Variants in GLRA2 observed in about 807,000 individuals in gnomAD.
The protein encoded by GLRA2 is glycine receptor subunit alpha-2.
In GLRA2, 11 loss-of-function variants were observed where a neutral mutation model predicts 31.6. That is an observed-to-expected ratio of 0.35 (90% CI 0.22 to 0.58). The LOEUF is 0.58. Among genes scored for constraint, GLRA2 ranks in the 20% least tolerant of loss-of-function variants. The pLI, the probability that GLRA2 is intolerant of heterozygous loss-of-function variation, is 0.84. For synonymous variants in GLRA2, 132 were observed against 134.0 expected (o/e 0.99, Z 0.10); for missense variants, 212 against 351.8 (o/e 0.60, Z 3.18).
At chrX:14,528,274 C>T (rs954106800), upstream of GLRA2, among the ~76,000 whole-genome samples, 3 of 112,247 alleles carry the variant, frequency 2.7e-5, no homozygotes, top group African/African-American at 9.7e-5. Context: ...AAAGAACTTG[C>T]CATCTTTTTT....
At chrX:14,710,289 G>C (rs1203884997) in intron 8 of GLRA2, among the ~76,000 whole-genome samples, 1 of 112,039 alleles carries the variant, frequency 8.9e-6, no homozygotes, top group Non-Finnish European at 1.9e-5. Flanking sequence ...GCTACTTCCA[G>C]CAGAAATTGA....
At chrX:14,690,280 GAAT>G (rs1297247598) in intron 7 of GLRA2, among the ~76,000 whole-genome samples, 1 of 111,801 alleles carries the variant, frequency 8.9e-6, no homozygotes, top group Non-Finnish European at 1.9e-5. Context: ...CTAATTAAGA[GAAT>G]AATTATTTTT....
intron 8 of GLRA2, among the ~76,000 whole-genome samples, chrX:14,700,704 C>G (rs1367814183): frequency 9.1e-6 from 1 of 110,456 alleles, no homozygotes; most frequent in Admixed American, 9.7e-5. Flanking sequence ...GAAGTGAGGA[C>G]ATTGAATGCA....
At chrX:14,600,845 C>T (rs1412127316) in intron 4 of GLRA2, among the ~76,000 whole-genome samples, 1 of 110,653 alleles carries the variant, frequency 9.0e-6, no homozygotes, top group African/African-American at 3.3e-5. Context: ...TCATAATAGA[C>T]AAGTTATGAA....
At chrX:14,522,895 G>A in the GLRA2 span, among the ~76,000 whole-genome samples, 8 of 111,704 alleles carry the variant, frequency 7.2e-5, no homozygotes, top group Non-Finnish European at 1.3e-4. Context: ...TACTTTTTAA[G>A]GACCCTCGGA....
intron 3 of GLRA2, 104 bp from the exon 4 acceptor site, chrX:14,581,079 G>A (rs767582669): frequency 1.1e-4 from 61 of 541,073 alleles, no homozygotes; most frequent in Non-Finnish European, 6.8e-5. Context: ...TGGTTTACTC[G>A]GACACCAAAG....
chrX:14,485,707 C>A, the GLRA2 span, among the ~76,000 whole-genome samples: 1 of 111,723 alleles, frequency 9.0e-6, no homozygotes, highest in Non-Finnish European at 1.9e-5. Context: ...ACTGCCACCA[C>A]TCTGGTCCCA....
chrX:14,656,394 A>C (rs2090941123), intron 7 of GLRA2, among the ~76,000 whole-genome samples: 1 of 112,381 alleles, frequency 8.9e-6, no homozygotes, highest in Non-Finnish European at 1.9e-5. Context: ...AGATCCTTGA[A>C]GGCCACTTCC....
chrX:14,553,575 A>G (rs1420110805), intron 2 of GLRA2, among the ~76,000 whole-genome samples: 3 of 111,588 alleles, frequency 2.7e-5, no homozygotes, highest in African/African-American at 6.5e-5. Flanking sequence ...CTTACAAGGC[A>G]TCAGTGTCTG....
intron 2 of GLRA2, among the ~76,000 whole-genome samples, chrX:14,539,120 G>T (rs1160818155): frequency 9.0e-6 from 1 of 110,938 alleles, no homozygotes. Context: ...CAGGTCTCTT[G>T]GTGCTCAATG....
At chrX:14,618,966 TTTAAAGGGCTTG>T (rs1210851718) in intron 7 of GLRA2, among the ~76,000 whole-genome samples, 1 of 111,822 alleles carries the variant, frequency 8.9e-6, no homozygotes, top group Non-Finnish European at 1.9e-5. Flanking sequence ...TATACCCAGA[TTTAAAGGGCTTG>T]TTAATTAGAT....
At chrX:14,514,319 C>T in the GLRA2 span, among the ~76,000 whole-genome samples, 2 of 109,374 alleles carry the variant, frequency 1.8e-5, no homozygotes, top group East Asian at 2.9e-4. Flanking sequence ...GCTTGGGTGA[C>T]GGGTGCACCA....
At chrX:14,581,813 A>G (rs1417971597) in intron 4 of GLRA2, among the ~76,000 whole-genome samples, 1 of 104,743 alleles carries the variant, frequency 9.5e-6, no homozygotes, top group East Asian at 3.0e-4. Flanking sequence ...CACAAATTCA[A>G]TAGCTCAGCA....
intron 8 of GLRA2, among the ~76,000 whole-genome samples, chrX:14,714,449 C>T (rs1175059631): frequency 9.0e-6 from 1 of 111,673 alleles, no homozygotes; most frequent in Non-Finnish European, 1.9e-5. Flanking sequence ...AAAGAAAGAT[C>T]CACCATTATG....
chrX:14,469,589 G>C, the GLRA2 span, among the ~76,000 whole-genome samples: 7 of 103,906 alleles, frequency 6.7e-5, no homozygotes, highest in African/African-American at 2.5e-4. Flanking sequence ...GTAAACTATC[G>C]CAAGAACAAA....
At chrX:14,476,369 T>A in the GLRA2 span, among the ~76,000 whole-genome samples, 1 of 112,004 alleles carries the variant, frequency 8.9e-6, no homozygotes, top group Non-Finnish European at 1.9e-5. Flanking sequence ...ATTCAGCTGG[T>A]GTTTCCCTAA....
chrX:14,633,594 G>C (rs766416368), intron 7 of GLRA2, among the ~76,000 whole-genome samples: 1 of 111,975 alleles, frequency 8.9e-6, no homozygotes, highest in African/African-American at 3.2e-5. Flanking sequence ...AGGAATGACA[G>C]GGTGTATTAG....
At chrX:14,449,376 A>T in the GLRA2 span, among the ~76,000 whole-genome samples, 1 of 112,308 alleles carries the variant, frequency 8.9e-6, no homozygotes, top group Non-Finnish European at 1.9e-5. Context: ...TTGAGTTTGC[A>T]AGGGGAACTC....
At chrX:14,674,095 G>T (rs776543390) in intron 7 of GLRA2, among the ~76,000 whole-genome samples, 1 of 112,405 alleles carries the variant, frequency 8.9e-6, no homozygotes, top group Admixed American at 9.4e-5. Flanking sequence ...TTCTTTTGCT[G>T]TGTGATCTTG....
Sources: allele counts gnomAD v4.1 joint callset (sites outside exome capture counted in the v4.1 genomes callset), GRCh38; gene constraint gnomAD v4.1.1; transcripts MANE v1.5; gene names NCBI Gene and HGNC (gene_info 2026-07-23, HGNC 2026-07-21).